The following AASS variants were observed in gnomAD, a reference collection of about 807,000 sequenced individuals.
AASS encodes the protein aminoadipate-semialdehyde synthase, also known as alpha-aminoadipic semialdehyde synthase, mitochondrial.
A neutral mutation model predicts 105.4 loss-of-function variants in AASS; 86 were observed. The observed-to-expected ratio is 0.82, with a 90% CI of 0.69 to 0.98. The LOEUF (loss-of-function observed/expected upper bound fraction) is 0.98. Ranked by LOEUF, AASS falls within the 50% of genes least tolerant of loss-of-function variation. AASS has a pLI of 0.00. For synonymous variants in AASS, 381 were observed against 394.8 expected, an observed-to-expected ratio of 0.96 and a Z score of 0.41; for missense variants, 1,048 against 1,143.2, an observed-to-expected ratio of 0.92 and a Z score of 1.20.
At chr7:122,128,404 T>C (rs1332997156) in intron 3 of AASS, among the ~76,000 whole-genome samples, 1 of 152,184 alleles carries the variant, frequency 6.6e-6, no homozygotes, top group Non-Finnish European at 1.5e-5. Flanking sequence ...GTCCTTCACC[T>C]CCTTTAGATT....
intron 19 of AASS, among the ~76,000 whole-genome samples, chr7:122,083,042 CAG>C (rs1448954063): frequency 2.8e-5 from 3 of 106,312 alleles, no homozygotes; most frequent in Non-Finnish European, 1.8e-5. Flanking sequence ...ACTGCTCAAG[CAG>C]AGAGAGAGAG....
At chr7:122,089,966 G>C (rs2268077) in intron 18 of AASS, among the ~76,000 whole-genome samples, 33,974 of 152,132 alleles carry the variant, frequency 0.22, 4,027 homozygotes, top group African/African-American at 0.31. Context: ...GGAGCTGTTG[G>C]AATGCAATAG....
chr7:122,139,034 T>C (rs1282440452), intron 1 of AASS, among the ~76,000 whole-genome samples: 1 of 152,296 alleles, frequency 6.6e-6, no homozygotes, highest in East Asian at 1.9e-4. Flanking sequence ...GAATCTCATG[T>C]GTGGTTAGAA....
intron 2 of AASS, among the ~76,000 whole-genome samples, chr7:122,132,849 A>G (rs1006322760): frequency 5.3e-5 from 8 of 152,172 alleles, no homozygotes. Flanking sequence ...GCTGTTCTAG[A>G]TTGAAAGAAC....
intron 2 of AASS, among the ~76,000 whole-genome samples, chr7:122,131,062 A>T (rs1795894587): frequency 6.6e-6 from 1 of 151,550 alleles, no homozygotes; most frequent in Non-Finnish European, 1.5e-5. Flanking sequence ...AAACAATGAT[A>T]GATCAGAAAC....
intron 3 of AASS, among the ~76,000 whole-genome samples, chr7:122,128,029 T>C (rs1795735921): frequency 6.6e-6 from 1 of 152,182 alleles, no homozygotes; most frequent in Non-Finnish European, 1.5e-5. Flanking sequence ...TCCATGACAA[T>C]TGCTTCAAGT....
chr7:122,137,288 G>A (rs1237518239), intron 1 of AASS, among the ~76,000 whole-genome samples: 1 of 152,140 alleles, frequency 6.6e-6, no homozygotes, highest in Admixed American at 6.5e-5. Context: ...TTAAGCAGAA[G>A]CAGGATTCCT....
At chr7:122,078,166 C>A in intron 22 of AASS, 152 bp from the exon 23 acceptor site, 1 of 753,196 alleles carries the variant, frequency 1.3e-6, no homozygotes, top group Non-Finnish European at 2.2e-6. Context: ...AGCCCAAAGT[C>A]AAAGTGAAAA....
rs1294540673 is a variant in AASS at position 122,074,717 on chromosome 7, T to C, written c.*1772A>G. Among the ~76,000 whole-genome samples, 1 of 152,230 alleles carries C rather than the reference T, an allele frequency of 6.6e-6. No individual in the cohort carries two copies. The highest frequency in any genetic ancestry group is 1.5e-5 in the Non-Finnish European group (1 of 68,040). On this transcript the variant is annotated 3_prime_UTR_variant, in exon 24 of 24. Coordinates refer to ENST00000417368, the MANE Select transcript of AASS (RefSeq NM_005763.4). ...TGGATATCCATGTTTCCAAGCATCATTTAATGAAAAAGACTATTTTGCCCC... is the reference window on the plus strand; with the variant it reads ...TGGATATCCATGTTTCCAAGCATCACTTAATGAAAAAGACTATTTTGCCCC...
At chr7:122,083,030 T>C in intron 19 of AASS, 1 of 422,784 alleles carries the variant, frequency 2.4e-6, no homozygotes, top group Non-Finnish European at 4.6e-6. Flanking sequence ...TTATCTGCAA[T>C]TACTGCTCAA....
At chr7:122,141,416 G>A (rs1158895729) in intron 1 of AASS, among the ~76,000 whole-genome samples, 2 of 152,026 alleles carry the variant, frequency 1.3e-5, no homozygotes, top group African/African-American at 2.4e-5. Context: ...AGTCCAAAAT[G>A]CTTATCTGCT....
At chr7:122,086,571 TA>T (rs922194056) in intron 18 of AASS, among the ~76,000 whole-genome samples, 54 of 151,452 alleles carry the variant, frequency 3.6e-4, no homozygotes, top group African/African-American at 1.2e-3. Context: ...TATTTAAAAA[TA>T]AAAAATGTTT....
At position 122,081,490 on chromosome 7, in the gene AASS, A is replaced by T. The variant is rs770146974; in HGVS notation, c.2280+10T>A. On this transcript the variant is annotated intron_variant, in intron 20 of 23. Coordinates refer to ENST00000417368, the MANE Select transcript of AASS (RefSeq NM_005763.4). ...AAGGAGCAGATAGAACGTAATTCGG[A>T]GTCACTCACCCAGGTGAGAGGGTTG... The T allele has an allele frequency of 6.2e-7, 1 of 1,604,068 alleles. No individual in the cohort carries two copies. The highest frequency in any genetic ancestry group is 1.3e-5 in the African/African-American group (1 of 74,850).
chr7:122,083,551 G>A (rs1240936976), intron 19 of AASS, among the ~76,000 whole-genome samples: 3 of 151,998 alleles, frequency 2.0e-5, no homozygotes, highest in African/African-American at 4.8e-5. Flanking sequence ...CAACAGAAGG[G>A]TCAGATAAGT....
intron 4 of AASS, among the ~76,000 whole-genome samples, chr7:122,122,856 C>T (rs79087854): frequency 0.013 from 2,020 of 152,240 alleles, 25 homozygotes; most frequent in Non-Finnish European, 0.019. Context: ...CCATTTAAAA[C>T]GTGAACATAC....
At chr7:122,110,188 C>G (rs1280419411) in intron 11 of AASS, among the ~76,000 whole-genome samples, 2 of 151,590 alleles carry the variant, frequency 1.3e-5, no homozygotes, top group African/African-American at 4.8e-5. Flanking sequence ...GAGATGATCA[C>G]CAAAGTTGAA....
chr7:122,110,435 ATTC>A (rs1794878568), intron 11 of AASS, among the ~76,000 whole-genome samples: 1 of 151,940 alleles, frequency 6.6e-6, no homozygotes, highest in Non-Finnish European at 1.5e-5. Flanking sequence ...AAATCTGAAC[ATTC>A]TTAAGTTTTT....
intron 1 of AASS, among the ~76,000 whole-genome samples, chr7:122,134,047 T>G (rs935989623): frequency 1.3e-5 from 2 of 152,188 alleles, no homozygotes; most frequent in Non-Finnish European, 2.9e-5. Flanking sequence ...GCACAAAAGT[T>G]TTAAACAAAT....
intron 23 of AASS, 34 bp downstream of exon 23, chr7:122,077,804 G>C (rs1793095133): frequency 6.2e-7 from 1 of 1,613,778 alleles, no homozygotes. Flanking sequence ...AGGTGAAACA[G>C]AAACAGGCTT....
Sources: allele counts gnomAD v4.1 joint callset (sites outside exome capture counted in the v4.1 genomes callset), GRCh38; gene constraint gnomAD v4.1.1; transcripts MANE v1.5; gene names NCBI Gene and HGNC (gene_info 2026-07-23, HGNC 2026-07-21).